The following MYLK2 variants were observed in gnomAD, a reference collection of about 807,000 sequenced individuals.
MYLK2 encodes the protein myosin light chain kinase 2.
In MYLK2, 27 loss-of-function variants were observed where a neutral mutation model predicts 58.2. The observed-to-expected ratio is 0.46, with a 90% CI of 0.34 to 0.64. MYLK2 has a LOEUF of 0.64. Among genes scored for constraint, MYLK2 ranks in the 30% least tolerant of loss-of-function variants. The pLI is 0.01. For synonymous variants in MYLK2, 310 were observed against 296.7 expected, an observed-to-expected ratio of 1.04 and a Z score of -0.46; for missense variants, 676 against 764.3, an observed-to-expected ratio of 0.88 and a Z score of 1.36.
In MYLK2 at chr20:31,830,332, G is replaced by A. The variant is rs530074081; in HGVS notation, c.1225-487G>A. Among the ~76,000 whole-genome samples, 21 of 152,264 alleles carry A rather than the reference G, an allele frequency of 1.4e-4. No homozygotes were observed. In the South Asian group the frequency reaches 3.7e-3, roughly 27 times the overall value. ...CACTAACTGGGGAGACAAGAGTAGC[G>A]CATCTTCCAGTGACCCTGGAGTAGT... is the stretch of plus-strand genomic sequence containing the variant. On this transcript the variant is annotated intron_variant, in intron 8 of 12. Coordinates refer to ENST00000375985, the MANE Select transcript of MYLK2 (RefSeq NM_033118.4).
chr20:31,820,075 G>A (rs951599766), intron 2 of MYLK2, 51 bp from the exon 3 acceptor site: 1 of 1,609,954 alleles, frequency 6.2e-7, no homozygotes, highest in African/African-American at 1.3e-5. Flanking sequence ...GCCTGGGTGA[G>A]AGGGAAGGAA....
At chr20:31,824,875 C>T (rs150561787) in intron 6 of MYLK2, among the ~76,000 whole-genome samples, 513 of 152,332 alleles carry the variant, frequency 3.4e-3, no homozygotes, top group Middle Eastern at 0.024. Context: ...ATAGCAACCT[C>T]GTGTGACCAC....
At chr20:31,823,411 G>T in intron 4 of MYLK2, 66 bp from the exon 5 acceptor site, 1 of 1,432,390 alleles carries the variant, frequency 7.0e-7, no homozygotes, top group Non-Finnish European at 9.7e-7. Flanking sequence ...AGCAGGAGGG[G>T]TGGTGCCAAG....
chr20:31,819,753 G>T (rs2062242198), intron 2 of MYLK2, 121 bp downstream of exon 2: 3 of 1,230,706 alleles, frequency 2.4e-6, no homozygotes, highest in Non-Finnish European at 1.2e-6. Flanking sequence ...GTGCACGGGG[G>T]ACCCAGAAAT....
In MYLK2 at chr20:31,826,687, C is replaced by G. The variant is rs549697670; in HGVS notation, c.1055C>G (p.Pro352Arg). The change falls in exon 7 of 13, where the codon CCG (proline) becomes CGG (arginine). Residue 352 changes from proline (P) to arginine (R), a missense_variant. Pro to Arg is a moderately radical substitution (Grantham distance 103). Transcript: ENST00000375985. ...LIQLYAAIETPHEIVLFMEYI... is the reference protein window; with the variant it reads ...LIQLYAAIETRHEIVLFMEYI... ...CAGCTGTATGCAGCCATCGAGACTCCGCATGAGATCGTCCTGTTCATGGAG... is the reference window on the plus strand; with the variant it reads ...CAGCTGTATGCAGCCATCGAGACTCGGCATGAGATCGTCCTGTTCATGGAG... The G allele has an allele frequency of 6.2e-7, 1 of 1,613,946 alleles. No individual in the cohort carries two copies. Among genetic ancestry groups the G allele is most frequent in the Non-Finnish European group, 8.5e-7 (1 of 1,180,002 alleles).
In MYLK2 at chr20:31,819,523, G is replaced by T; in HGVS notation, c.-48-10G>T. ...GGACAGCCTGACACACTCCACTCTTGTTTCTGCAGCTAGAAAGACTTGAGT... is the reference window on the plus strand; with the variant it reads ...GGACAGCCTGACACACTCCACTCTTTTTTCTGCAGCTAGAAAGACTTGAGT... On this transcript the variant is annotated splice_polypyrimidine_tract_variant and intron_variant, in intron 1 of 12. Transcript: ENST00000375985. 1 of 1,549,674 alleles carries T rather than the reference G, an allele frequency of 6.5e-7. No homozygotes were observed. Among genetic ancestry groups the T allele is most frequent in the Non-Finnish European group, 8.7e-7 (1 of 1,145,576 alleles).
chr20:31,831,024 A>G lies in MYLK2; in HGVS notation c.1307A>G (p.Asn436Ser). ...GGTCTCACCCCCAGGTATAACCCCA[A>G]CGAGAAGCTGAAGGTGAACTTTGGG... ...DFGLARRYNPNEKLKVNFGTP... is the reference protein window; with the variant it reads ...DFGLARRYNPSEKLKVNFGTP... Residue 436 changes from asparagine (N) to serine (S), a missense_variant, in exon 10 of 13, where the codon AAC becomes AGC. Around this residue, in one of 2 missense-constraint regions of MYLK2, gnomAD observed 370 missense variants for 467.8 expected, o/e 0.79. Coordinates refer to ENST00000375985, the MANE Select transcript of MYLK2 (RefSeq NM_033118.4). 6.2e-7 allele frequency: 1 copy of G among 1,614,166 alleles called. No homozygotes were observed. Among genetic ancestry groups the G allele is most frequent in the Non-Finnish European group, 8.5e-7 (1 of 1,180,012 alleles).
At chr20:31,831,230 G>T in intron 10 of MYLK2, 89 bp downstream of exon 10, 2 of 1,591,482 alleles carry the variant, frequency 1.3e-6, no homozygotes, top group Middle Eastern at 1.8e-4. Flanking sequence ...GTCTTGGTAA[G>T]GTGGTCCCAC....
At position 31,820,513 on chromosome 20, in the gene MYLK2, T is replaced by C; in HGVS notation, c.440T>C (p.Leu147Pro). The part of the protein sequence containing the change: ...AAARRGSPAF[L>P]HSPSCPAIIS... ...GCCAGGAGGGGCTCACCTGCCTTTCTGCATAGCCCCAGCTGTCCTGCCATC... is the reference window on the plus strand; with the variant it reads ...GCCAGGAGGGGCTCACCTGCCTTTCCGCATAGCCCCAGCTGTCCTGCCATC... The change falls in exon 3 of 13, where the codon CTG (leucine) becomes CCG (proline). Residue 147 changes from leucine to proline, a missense_variant. Coordinates refer to ENST00000375985, the MANE Select transcript of MYLK2 (RefSeq NM_033118.4). The C allele has an allele frequency of 6.2e-7, 1 of 1,604,026 alleles. No homozygotes were observed. The highest frequency in any genetic ancestry group is 8.5e-7 in the Non-Finnish European group (1 of 1,179,980).
rs1423482552 is a variant in MYLK2, at chr20:31,831,977, A to C, written c.1578-27A>C. 11 of 1,612,294 alleles carry C rather than the reference A, an allele frequency of 6.8e-6. No homozygotes were observed. The South Asian group carries it at 1.2e-4, about 18-fold the overall frequency. On this transcript the variant is annotated intron_variant, in intron 11 of 12. Transcript: ENST00000375985. ...CTGGGGCCTCACGAGCATGCAGCCC[A>C]CCGTCACCATGCTGCCTCTCCCCCA...
chr20:31,831,928 C>T (rs2062308418), intron 11 of MYLK2, 73 bp downstream of exon 11: 1 of 1,613,174 alleles, frequency 6.2e-7, no homozygotes, highest in East Asian at 2.2e-5. Flanking sequence ...GGGCGGGAGC[C>T]AGGTAGAGAG....
Position 31,831,073 on chromosome 20 carries a change from G to A in MYLK2, c.1356G>A (p.Glu452=), listed in dbSNP as rs147329431. 1.2e-4 allele frequency: 200 copies of A among 1,614,050 alleles called. No individual in the cohort carries two copies. The highest frequency in any genetic ancestry group is 1.6e-4 in the Non-Finnish European group (184 of 1,180,016). ...GGACCCCAGAGTTCCTGTCACCTGA[G>A]GTGGTGAATTATGACCAAATCTCCG... ...NFGTPEFLSP[E]VVNYDQISDK... The change falls in exon 10 of 13, where the codon GAG becomes GAA. Residue 452 remains glutamate, a synonymous_variant. Coordinates refer to ENST00000375985, the MANE Select transcript of MYLK2 (RefSeq NM_033118.4).
rs79174074 is a variant in MYLK2 at position 31,828,810 on chromosome 20, A to G, written c.1224+1872A>G. Reference sequence around the variant, plus strand: ...TTAATATCACTGCCACTGACAGAGGAGGACACAAACAGGGTGAGGAGGTGG... The same window carrying G: ...TTAATATCACTGCCACTGACAGAGGGGGACACAAACAGGGTGAGGAGGTGG... On this transcript the variant is annotated intron_variant, in intron 8 of 12. Coordinates refer to ENST00000375985, the MANE Select transcript of MYLK2 (RefSeq NM_033118.4). 7.2e-4 allele frequency among the ~76,000 whole-genome samples: 109 copies of G among 152,246 alleles called. 2 individuals are homozygous for G. The East Asian group carries it at 0.016, about 22-fold the overall frequency.
intron 8 of MYLK2, chr20:31,828,274 G>A (rs1317454669): frequency 2.0e-6 from 2 of 985,012 alleles, no homozygotes; most frequent in East Asian, 1.1e-4. Context: ...GTGGAGCAGG[G>A]AAGGGCAGCA....
Position 31,821,651 on chromosome 20 carries a change from A to T in MYLK2, c.686A>T (p.Glu229Val). 1 of 1,614,020 alleles carries T rather than the reference A, an allele frequency of 6.2e-7. No homozygotes were observed. The highest frequency in any genetic ancestry group is 8.5e-7 in the Non-Finnish European group (1 of 1,180,014). ...CAAGGGGACACCTCGAGGGGGATTG[A>T]GTTCCAGGCTGTTCCCTCAGAGAAA... ...KMQGDTSRGI[E>V]FQAVPSEKSE... Residue 229 changes from glutamate (E) to valine (V), a missense_variant, in exon 4 of 13, where the codon GAG becomes GTG. Transcript: ENST00000375985.
rs745780908 is a variant in MYLK2, at chr20:31,831,146, G to A, written c.1424+5G>A. The A allele has an allele frequency of 5.6e-6, 9 of 1,613,974 alleles. No homozygotes were observed. The highest frequency in any genetic ancestry group is 7.6e-6 in the Non-Finnish European group (9 of 1,179,984). On this transcript the variant is annotated splice_donor_5th_base_variant and intron_variant, in intron 10 of 12. Transcript: ENST00000375985. The stretch of plus-strand genomic sequence containing the variant: ...GGGGGTGATCACCTACATGCTGTGA[G>A]CTCCCAGGCGGGTCGTGTTTATGGG...
At position 31,833,913 on chromosome 20, in the gene MYLK2, G is replaced by A. The variant is rs1017038887; in HGVS notation, c.*116G>A. The A allele has an allele frequency of 1.7e-5, 16 of 949,082 alleles. No homozygotes were observed. In the African/African-American group the frequency reaches 2.6e-4, roughly 15 times the overall value. 58.8% of individuals were successfully genotyped at this position (949,082 alleles called of 1,614,324 possible). A position where few individuals can be genotyped will look rare whatever the true frequency, so the allele number is the denominator to read the frequency against. On this transcript the variant is annotated 3_prime_UTR_variant, in exon 13 of 13. Transcript: ENST00000375985. Reference sequence around the variant, plus strand: ...CCCAGGGCAGCCTCGTTAGGACAAGGCTGTGCCAGGCTGGGAGGCTCGGGG... The same window carrying A: ...CCCAGGGCAGCCTCGTTAGGACAAGACTGTGCCAGGCTGGGAGGCTCGGGG...
Position 31,831,721 on chromosome 20 carries a change from C to T in MYLK2, c.1443C>T (p.Pro481=), listed in dbSNP as rs531957053. 2 of 1,613,974 alleles carry T rather than the reference C, an allele frequency of 1.2e-6. No homozygotes were observed. Among genetic ancestry groups the T allele is most frequent in the Admixed American group, 1.7e-5 (1 of 60,004 alleles). ...ITYMLLSGLS[P]FLGDDDTETL... ...CCTCTAGGCTGAGCGGCCTCTCCCC[C>T]TTCCTGGGAGATGATGACACAGAGA... is the stretch of plus-strand genomic sequence containing the variant. The change falls in exon 11 of 13, where the codon CCC becomes CCT. Residue 481 remains proline (P), a synonymous_variant. Coordinates refer to ENST00000375985, the MANE Select transcript of MYLK2 (RefSeq NM_033118.4).
rs946674926 is a variant in MYLK2, at chr20:31,834,065, C to T, written c.*268C>T. ...TGTCGGCCACACCCCAGACTCCAGGCCCCCGTTGAAGCCGCTCCCGGTTCC... is the reference window on the plus strand; with the variant it reads ...TGTCGGCCACACCCCAGACTCCAGGTCCCCGTTGAAGCCGCTCCCGGTTCC... On this transcript the variant is annotated 3_prime_UTR_variant, in exon 13 of 13. Coordinates refer to ENST00000375985, the MANE Select transcript of MYLK2 (RefSeq NM_033118.4). 4.0e-5 allele frequency: 21 copies of T among 519,748 alleles called. No individual in the cohort carries two copies. The East Asian group carries it at 5.7e-4, about 14-fold the overall frequency. 32.2% of individuals were successfully genotyped at this position (519,748 alleles called of 1,614,324 possible).
Sources: allele counts gnomAD v4.1 joint callset (sites outside exome capture counted in the v4.1 genomes callset), GRCh38; gene constraint gnomAD v4.1.1; regional missense constraint gnomAD v4.1.1; transcripts MANE v1.5; gene names NCBI Gene and HGNC (gene_info 2026-07-23, HGNC 2026-07-21).